NTM: variants seen among roughly 807,000 people sequenced by gnomAD.
NTM encodes the protein IgLON family member 2.
In NTM, 13 loss-of-function variants were observed where a neutral mutation model predicts 42.1. The ratio of observed to expected loss-of-function variants is 0.31; its 90% CI spans 0.20 to 0.49. NTM has a LOEUF of 0.49. NTM is among the 20% of genes least tolerant of loss of function. The probability of loss-of-function intolerance (pLI) is 0.99; values close to 1 mark genes in which losing one functional copy is unlikely to be tolerated. For synonymous variants in NTM, 187 were observed against 179.2 expected, an observed-to-expected ratio of 1.04 and a Z score of -0.35; for missense variants, 373 against 452.8, an observed-to-expected ratio of 0.82 and a Z score of 1.60.
intron 1 of NTM, among the ~76,000 whole-genome samples, chr11:131,764,802 C>T (rs565785026): frequency 2.6e-5 from 4 of 152,222 alleles, no homozygotes; most frequent in African/African-American, 9.6e-5. Context: ...TCACCTTGTC[C>T]TCACCCTCCC....
intron 1 of NTM, among the ~76,000 whole-genome samples, chr11:131,545,257 A>G (rs1014840240): frequency 6.6e-6 from 1 of 152,112 alleles, no homozygotes; most frequent in African/African-American, 2.4e-5. Context: ...ATCTTTTTAA[A>G]TGCATGATAC....
intron 2 of NTM, among the ~76,000 whole-genome samples, chr11:131,948,052 G>A (rs1257220202): frequency 1.3e-5 from 2 of 152,120 alleles, no homozygotes; most frequent in African/African-American, 2.4e-5. Flanking sequence ...TGATGAGCAA[G>A]TTATTGTAAT....
intron 2 of NTM, among the ~76,000 whole-genome samples, chr11:132,092,412 G>A (rs1027184235): frequency 3.9e-5 from 6 of 152,118 alleles, no homozygotes; most frequent in Admixed American, 6.6e-5. Flanking sequence ...TTCCAAGGGG[G>A]AACTTTGCAC....
intron 1 of NTM, among the ~76,000 whole-genome samples, chr11:131,710,984 C>A (rs960479931): frequency 2.6e-5 from 4 of 152,122 alleles, no homozygotes; most frequent in African/African-American, 9.7e-5. Flanking sequence ...CCAAGGCCTC[C>A]TTTTTACCCC....
chr11:131,715,706 T>C (rs1362543345), intron 1 of NTM, among the ~76,000 whole-genome samples: 2 of 152,194 alleles, frequency 1.3e-5, no homozygotes, highest in African/African-American at 2.4e-5. Flanking sequence ...TCTGTCACCA[T>C]AGATTCATTT....
chr11:132,147,206 TGTGTGTGTGA>T lies in NTM; in HGVS notation c.400+694_400+703del, dbSNP rs748950916. On this transcript the variant is annotated intron_variant, in intron 3 of 8. Transcript: ENST00000683400. ...GTGTGTGTGTGTGTGTGTGTGTGTG[TGTGTGTGTGA>T]GAGAGAGAGAGAGAGAGAGAGAGAA... is the stretch of plus-strand genomic sequence containing the variant. 3.5e-3 allele frequency among the ~76,000 whole-genome samples: 445 copies of T among 126,116 alleles called. 3 individuals are homozygous for T. In the East Asian group the frequency reaches 0.04, roughly 11 times the overall value. The allele number at this position is 126,116 out of a possible 152,430, so 82.7% of individuals were successfully genotyped here. A position where few individuals can be genotyped will look rare whatever the true frequency, so the allele number is the denominator to read the frequency against.
At chr11:131,670,462 G>A (rs61610852) in intron 1 of NTM, among the ~76,000 whole-genome samples, 2 of 150,802 alleles carry the variant, frequency 1.3e-5, no homozygotes, top group Admixed American at 6.6e-5. Context: ...CATTCATGTA[G>A]TATTCTGTGG....
chr11:132,113,686 C>G (rs902963568), intron 2 of NTM, among the ~76,000 whole-genome samples: 2 of 152,168 alleles, frequency 1.3e-5, no homozygotes, highest in Non-Finnish European at 2.9e-5. Flanking sequence ...GTCAATGAAG[C>G]CAATTGGATC....
At chr11:131,581,575 TTA>T (rs1491184353) in intron 1 of NTM, among the ~76,000 whole-genome samples, 55 of 152,264 alleles carry the variant, frequency 3.6e-4, no homozygotes, top group African/African-American at 1.3e-3. Context: ...AAGGGGTACT[TTA>T]TAGAGTTCAG....
chr11:131,979,463 G>T (rs2064915179), intron 2 of NTM, among the ~76,000 whole-genome samples: 1 of 152,130 alleles, frequency 6.6e-6, no homozygotes, highest in South Asian at 2.1e-4. Flanking sequence ...TGCTATGTTG[G>T]CATTCAAAAA....
At chr11:131,445,789 T>A (rs1365071104) in intron 1 of NTM, among the ~76,000 whole-genome samples, 1 of 152,192 alleles carries the variant, frequency 6.6e-6, no homozygotes, top group East Asian at 1.9e-4. Context: ...CAATTATTTT[T>A]TTCTTTGAGG....
At chr11:131,730,721 A>AAAAAAAAAAAAAAAAAAG (rs113412896) in intron 1 of NTM, among the ~76,000 whole-genome samples, 9 of 134,384 alleles carry the variant, frequency 6.7e-5, no homozygotes, top group Admixed American at 5.1e-4. Context: ...CTATCTGTTA[A>AAAAAAAAAAAAAAAAAAG]AAGAAGAAGA....
intron 2 of NTM, among the ~76,000 whole-genome samples, chr11:132,013,985 A>G (rs77940824): frequency 0.022 from 3,308 of 151,546 alleles, 123 homozygotes; most frequent in African/African-American, 0.074. Context: ...TTATTCCTAT[A>G]TCGTATGTCC....
At chr11:131,748,818 T>G (rs2082138808) in intron 1 of NTM, among the ~76,000 whole-genome samples, 1 of 152,220 alleles carries the variant, frequency 6.6e-6, no homozygotes, top group African/African-American at 2.4e-5. Flanking sequence ...CCCTGGAGGC[T>G]TGGCCTCTGG....
chr11:132,163,095 C>G (rs941059937), intron 3 of NTM, among the ~76,000 whole-genome samples: 1 of 152,128 alleles, frequency 6.6e-6, no homozygotes, highest in African/African-American at 2.4e-5. Flanking sequence ...GTGGAAGGAG[C>G]GTCTGCAGAG....
intron 1 of NTM, among the ~76,000 whole-genome samples, chr11:131,799,024 A>G (rs1446022865): frequency 6.6e-6 from 1 of 152,238 alleles, no homozygotes; most frequent in Non-Finnish European, 1.5e-5. Context: ...AAATTCCAAA[A>G]CAGAAAAAAG....
chr11:131,525,401 C>A (rs390812), intron 1 of NTM, among the ~76,000 whole-genome samples: 1 of 151,946 alleles, frequency 6.6e-6, no homozygotes, highest in African/African-American at 2.4e-5. Flanking sequence ...GGTTTGCAGG[C>A]GAGACAAGGG....
chr11:131,983,727 A>G (rs2065635581), intron 2 of NTM, among the ~76,000 whole-genome samples: 1 of 152,196 alleles, frequency 6.6e-6, no homozygotes, highest in African/African-American at 2.4e-5. Context: ...TTGACTCAAT[A>G]TAAATTTATG....
chr11:131,509,781 A>G (rs1231665343), intron 1 of NTM, among the ~76,000 whole-genome samples: 2 of 152,234 alleles, frequency 1.3e-5, no homozygotes, highest in Admixed American at 6.5e-5. Context: ...ATAAGAAAAT[A>G]GAGCTCAAAG....
Sources: allele counts gnomAD v4.1 joint callset (sites outside exome capture counted in the v4.1 genomes callset), GRCh38; gene constraint gnomAD v4.1.1; transcripts MANE v1.5; gene names NCBI Gene and HGNC (gene_info 2026-07-23, HGNC 2026-07-21).